Variants in ABCG8 observed in about 807,000 individuals in gnomAD.
ABCG8 encodes ATP-binding cassette sub-family G member 8.
A neutral mutation model predicts 71.3 loss-of-function variants in ABCG8; 81 were observed. The ratio of observed to expected loss-of-function variants is 1.14; its 90% CI spans 0.95 to 1.37. The LOEUF (loss-of-function observed/expected upper bound fraction) is 1.37, where lower values mean the gene tolerates loss of function less well. ABCG8 is among the 40% of genes most tolerant of loss of function. ABCG8 has a pLI of 0.00. For missense variants in ABCG8, 1,119 were observed against 866.2 expected (o/e 1.29, Z -3.66); for synonymous variants, 451 against 354.7 (o/e 1.27, Z -3.05).
chr2:43,846,384 G>C, intron 3 of ABCG8, 73 bp downstream of exon 3: 2 of 1,598,366 alleles, frequency 1.3e-6, no homozygotes, highest in East Asian at 4.5e-5. Context: ...ACAAATGGAT[G>C]CTTCTTATGG....
chr2:43,840,737 C>T (rs1668556773), intron 1 of ABCG8, among the ~76,000 whole-genome samples: 1 of 152,158 alleles, frequency 6.6e-6, no homozygotes, highest in South Asian at 2.1e-4. Flanking sequence ...ACGGGGGAGC[C>T]ACTTCCAGCC....
chr2:43,874,373 T>C (rs1669884767), intron 9 of ABCG8, 34 bp from the exon 10 acceptor site: 14 of 1,479,574 alleles, frequency 9.5e-6, no homozygotes, highest in Non-Finnish European at 1.2e-5. Context: ...TTATTCTACT[T>C]CTTCATTCTC....
intron 6 of ABCG8, among the ~76,000 whole-genome samples, chr2:43,869,792 T>A (rs985795230): frequency 6.6e-6 from 1 of 152,148 alleles, no homozygotes; most frequent in African/African-American, 2.4e-5. Flanking sequence ...GAGAGAACTC[T>A]CACTATCTGG....
At position 43,867,547 on chromosome 2, in the gene ABCG8, C is replaced by G. The variant is rs143141324; in HGVS notation, c.965-4429C>G. 6.2e-3 allele frequency among the ~76,000 whole-genome samples: 936 copies of G among 150,506 alleles called. 3 individuals carry two copies. The highest frequency in any genetic ancestry group is 0.011 in the Non-Finnish European group (731 of 67,578). Reference sequence around the variant, plus strand: ...GAATTGTCACCATCTGCATGGAACTCTCACTATCTGTCCAGATAGAATTCT... The same window carrying G: ...GAATTGTCACCATCTGCATGGAACTGTCACTATCTGTCCAGATAGAATTCT... On this transcript the variant is annotated intron_variant, in intron 6 of 12. Coordinates refer to ENST00000272286, the MANE Select transcript of ABCG8 (RefSeq NM_022437.3).
chr2:43,863,561 A>C (rs190543003), intron 6 of ABCG8, among the ~76,000 whole-genome samples: 1 of 151,398 alleles, frequency 6.6e-6, no homozygotes, highest in Non-Finnish European at 1.5e-5. Flanking sequence ...TAGAACTCTC[A>C]CTATCTATCT....
Position 43,875,191 on chromosome 2 carries a change from G to C in ABCG8, c.1534G>C (p.Gly512Arg), listed in dbSNP as rs376069170. ...GCACTGTGCCTACATCATCATCTAC[G>C]GGATGCCCACCTACTGGCTGGCCAA... ...PEHCAYIIIY[G>R]MPTYWLANLR... The change falls in exon 11 of 13, where the codon GGG (glycine) becomes CGG (arginine). Residue 512 changes from glycine to arginine, a missense_variant. Transcript: ENST00000272286. 2 of 1,614,186 alleles carry C rather than the reference G, an allele frequency of 1.2e-6. No individual in the cohort carries two copies. Among genetic ancestry groups the C allele is most frequent in the Non-Finnish European group, 1.7e-6 (2 of 1,180,036 alleles).
At chr2:43,861,613 A>C (rs1424592590) in intron 6 of ABCG8, among the ~76,000 whole-genome samples, 1 of 151,272 alleles carries the variant, frequency 6.6e-6, no homozygotes, top group African/African-American at 2.4e-5. Flanking sequence ...CATTATCTGG[A>C]TAGAATTCTT....
At chr2:43,864,229 A>T (rs1461531529) in intron 6 of ABCG8, among the ~76,000 whole-genome samples, 1 of 149,304 alleles carries the variant, frequency 6.7e-6, no homozygotes, top group African/African-American at 2.5e-5. Context: ...TAGAACTTTC[A>T]CTATCTGGAT....
rs575261912 is a variant in ABCG8 at position 43,872,121 on chromosome 2, G to T, written c.1110G>T (p.Glu370Asp). The T allele has an allele frequency of 1.9e-6, 3 of 1,614,118 alleles. No individual in the cohort carries two copies. The highest frequency in any genetic ancestry group is 2.2e-5 in the East Asian group (1 of 44,888). ...LWKAETKDLD[E>D]DTCVESSVTP... ...AAGCAGAGACGAAGGATCTTGACGA[G>T]GACACCTGTGTGGAAAGGTAAGGTG... is the stretch of plus-strand genomic sequence containing the variant. Residue 370 changes from glutamate (E) to aspartate (D), a missense_variant, in exon 7 of 13, where the codon GAG (glutamate) becomes GAT (aspartate). Coordinates refer to ENST00000272286, the MANE Select transcript of ABCG8 (RefSeq NM_022437.3).
Position 43,873,989 on chromosome 2 carries a change from G to C in ABCG8, c.1411+3G>C. 6.2e-7 allele frequency: 1 copy of C among 1,613,804 alleles called. No homozygotes were observed. The highest frequency in any genetic ancestry group is 8.5e-7 in the Non-Finnish European group (1 of 1,180,022). On this transcript the variant is annotated splice_donor_region_variant and intron_variant, in intron 9 of 12. Coordinates refer to ENST00000272286, the MANE Select transcript of ABCG8 (RefSeq NM_022437.3). Reference sequence around the variant, plus strand: ...CATTCTGGATGTCATCTCCAAATGTGAGTGTGGCCCACTGGCATGGGCAGG... The same window carrying C: ...CATTCTGGATGTCATCTCCAAATGTCAGTGTGGCCCACTGGCATGGGCAGG...
chr2:43,846,390 T>A, intron 3 of ABCG8, 79 bp downstream of exon 3: 1 of 1,594,128 alleles, frequency 6.3e-7, no homozygotes, highest in East Asian at 2.2e-5. Context: ...GGATGCTTCT[T>A]ATGGAGCTCT....
chr2:43,874,073 T>A lies in ABCG8; in HGVS notation c.1411+87T>A, dbSNP rs1378689512. On this transcript the variant is annotated intron_variant, in intron 9 of 12. Transcript: ENST00000272286. The stretch of plus-strand genomic sequence containing the variant: ...TGAGCTCCTGGGGAGCGGGTTTGAT[T>A]TCATTGTGATTGTGATATATAAGAC... The A allele has an allele frequency of 4.7e-6, 6 of 1,289,420 alleles. No individual in the cohort carries two copies. In the African/African-American group the frequency reaches 1.2e-4, roughly 26 times the overall value. The allele number at this position is 1,289,420 out of a possible 1,614,324, so 79.9% of individuals were successfully genotyped here.
At chr2:43,870,245 A>AT (rs1669714554) in intron 6 of ABCG8, among the ~76,000 whole-genome samples, 1 of 151,926 alleles carries the variant, frequency 6.6e-6, no homozygotes, top group Non-Finnish European at 1.5e-5. Context: ...CTCTGGATAG[A>AT]ACTAGCACTA....
intron 8 of ABCG8, 146 bp from the exon 9 acceptor site, chr2:43,873,641 A>C: frequency 1.3e-6 from 1 of 759,100 alleles, no homozygotes; most frequent in East Asian, 2.5e-5. Context: ...TTTCTGATTT[A>C]ATCCTCAGAG....
rs1180920650 is a variant in ABCG8, at chr2:43,852,822, C to T, written c.918C>T (p.Ala306=). 1 of 1,614,056 alleles carries T rather than the reference C, an allele frequency of 6.2e-7. No homozygotes were observed. Among genetic ancestry groups the T allele is most frequent in the Non-Finnish European group, 8.5e-7 (1 of 1,180,036 alleles). The change falls in exon 6 of 13, where the codon GCC becomes GCT. Residue 306 remains alanine, a synonymous_variant. Transcript: ENST00000272286. The stretch of plus-strand genomic sequence containing the variant: ...AGCACATGGTCCAGTATTTCACAGC[C>T]ATCGGCTACCCCTGTCCTCGCTACA... The part of the protein sequence containing the change: ...AAQHMVQYFT[A]IGYPCPRYSN...
rs1310617888 is a variant in ABCG8 at position 43,839,007 on chromosome 2, C to T, written c.-47C>T. Reference sequence around the variant, plus strand: ...AGACACTGGCCCTGGCAGGCAGCAGCTGGGTCTAAGAGAGCTGCAGCCCAG... The same window carrying T: ...AGACACTGGCCCTGGCAGGCAGCAGTTGGGTCTAAGAGAGCTGCAGCCCAG... On this transcript the variant is annotated 5_prime_UTR_variant, in exon 1 of 13. Transcript: ENST00000272286. 6.5e-7 allele frequency: 1 copy of T among 1,538,298 alleles called. No individual in the cohort carries two copies.
At chr2:43,859,602 A>G (rs1023324225) in intron 6 of ABCG8, among the ~76,000 whole-genome samples, 1 of 151,184 alleles carries the variant, frequency 6.6e-6, no homozygotes, top group Non-Finnish European at 1.5e-5. Context: ...TCTGGATAGA[A>G]TTCTCACCCT....
In ABCG8 at chr2:43,839,403, C is replaced by CTTTTTTT. The variant is rs537784677; in HGVS notation, c.63+322_63+328dup. 1.4e-3 allele frequency among the ~76,000 whole-genome samples: 83 copies of CTTTTTTT among 59,308 alleles called. 20 individuals carry two copies. Among genetic ancestry groups the CTTTTTTT allele is most frequent in the Non-Finnish European group, 2.2e-3 (70 of 31,220 alleles). The allele number at this position is 59,308 out of a possible 152,430, so 38.9% of individuals were successfully genotyped here. ...CACTTTTTCTTTTTTCTTTTCTTCT[C>CTTTTTTT]TTTTTTTTTTTTTTTTTTTTTTTTT... On this transcript the variant is annotated intron_variant, in intron 1 of 12. Transcript: ENST00000272286.
At chr2:43,848,858 A>C (rs562868442) in intron 3 of ABCG8, among the ~76,000 whole-genome samples, 121 of 151,754 alleles carry the variant, frequency 8.0e-4, no homozygotes, top group Non-Finnish European at 1.3e-3. Context: ...TCTACTAAAA[A>C]AAAAATACAA....
Sources: gnomAD v4.1 joint callset for allele counts (sites outside exome capture counted in the v4.1 genomes callset) on GRCh38, gnomAD v4.1.1 for gene constraint, MANE v1.5 for transcripts, NCBI Gene and HGNC (gene_info 2026-07-23, HGNC 2026-07-21) for gene names.